Variants in BTBD7 observed in about 807,000 individuals in gnomAD.
The protein encoded by BTBD7 is BTB/POZ domain-containing protein 7.
BTBD7 carries 38 observed loss-of-function variants against 99.9 expected under a neutral mutation model. That is an observed-to-expected ratio of 0.38 (90% CI 0.29 to 0.50). The LOEUF (loss-of-function observed/expected upper bound fraction) is 0.50, where lower values mean the gene tolerates loss of function less well. BTBD7 is among the 20% of genes least tolerant of loss of function. The probability of loss-of-function intolerance (pLI) is 0.93; values close to 1 mark genes in which losing one functional copy is unlikely to be tolerated. For missense variants in BTBD7, 1,170 were observed against 1,394.6 expected, an observed-to-expected ratio of 0.84 and a Z score of 2.57; for synonymous variants, 520 against 511.4, an observed-to-expected ratio of 1.02 and a Z score of -0.23.
intron 1 of BTBD7, among the ~76,000 whole-genome samples, chr14:93,317,403 C>T (rs552220308): frequency 3.3e-5 from 5 of 151,672 alleles, no homozygotes; most frequent in Admixed American, 3.3e-4. Flanking sequence ...TGGTATGTCG[C>T]CCAGGCTGGA....
chr14:93,294,789 A>G lies in BTBD7; in HGVS notation c.231T>C (p.Asn77=), dbSNP rs1290558283. 1.2e-6 allele frequency: 2 copies of G among 1,613,966 alleles called. No individual in the cohort carries two copies. Among genetic ancestry groups the G allele is most frequent in the South Asian group, 2.2e-5 (2 of 91,068 alleles). ...KKKFIKRRKS[N]RSADHAKQMR... Reference sequence around the variant, plus strand: ...TCTGCTTGGCATGATCGGCAGACCTATTAGATTTCCGACGCTTAATAAACT... The same window carrying G: ...TCTGCTTGGCATGATCGGCAGACCTGTTAGATTTCCGACGCTTAATAAACT... The change falls in exon 3 of 11, where the codon AAT becomes AAC. Residue 77 remains asparagine, a synonymous_variant. Transcript: ENST00000334746.
At position 93,261,630 on chromosome 14, in the gene BTBD7, A is replaced by T. The variant is rs775816913; in HGVS notation, c.1419T>A (p.His473Gln). The change falls in exon 5 of 11, where the codon CAT (histidine) becomes CAA (glutamine). Residue 473 changes from histidine (H) to glutamine (Q), a missense_variant. By Grantham distance (24) the His-to-Gln change is conservative. Transcript: ENST00000334746. ...TATCTGCTATTCTTTTCATCAACTG[A>T]TGCTCTCCCCATTTAATCAGATATT... is the stretch of plus-strand genomic sequence containing the variant. ...ILKYLIKWGEHQLMKRIADRE... is the reference protein window; with the variant it reads ...ILKYLIKWGEQQLMKRIADRE... 9.3e-6 allele frequency: 15 copies of T among 1,612,272 alleles called. No individual in the cohort carries two copies. The South Asian group carries it at 1.5e-4, about 17-fold the overall frequency.
intron 3 of BTBD7, among the ~76,000 whole-genome samples, chr14:93,279,470 G>C (rs76881568): frequency 2.0e-5 from 3 of 152,020 alleles, no homozygotes; most frequent in Non-Finnish European, 4.4e-5. Context: ...GTCCTCCTAG[G>C]TACTCCCCCA....
chr14:93,244,548 C>A (rs2052279666), intron 10 of BTBD7, among the ~76,000 whole-genome samples: 1 of 152,138 alleles, frequency 6.6e-6, no homozygotes, highest in African/African-American at 2.4e-5. Context: ...ACTCAGGAGG[C>A]TGAGGCAGGA....
intron 3 of BTBD7, among the ~76,000 whole-genome samples, chr14:93,270,634 G>A (rs559720655): frequency 2.3e-4 from 35 of 151,704 alleles, no homozygotes; most frequent in African/African-American, 8.0e-4. Context: ...GGCAGAGGTT[G>A]CAGTGAGCCG....
rs1208589268 is a variant in BTBD7 at position 93,294,907 on chromosome 14, C to T, written c.113G>A (p.Gly38Asp). Residue 38 changes from glycine to aspartate, a missense_variant, in exon 3 of 11, where the codon GGT (glycine) becomes GAT (aspartate). Gly to Asp is a moderately conservative substitution (Grantham distance 94). Around this residue, in one of 4 missense-constraint regions of BTBD7, gnomAD observed 359 missense variants for 497.9 expected, o/e 0.72. Transcript: ENST00000334746. ...AAGGCTATACAACTTTGATTCGCAA[C>T]CATAGCCTTGCTGAGAATAGGATGA... ...GTSSYSQQGY[G>D]CESKLYSLDH... The T allele has an allele frequency of 6.3e-7, 1 of 1,598,270 alleles. No homozygotes were observed. The highest frequency in any genetic ancestry group is 8.5e-7 in the Non-Finnish European group (1 of 1,175,962).
intron 3 of BTBD7, among the ~76,000 whole-genome samples, chr14:93,274,231 A>G (rs1258235205): frequency 6.6e-6 from 1 of 152,240 alleles, no homozygotes; most frequent in African/African-American, 2.4e-5. Flanking sequence ...ATGATGGAGC[A>G]CACAAACTGA....
chr14:93,322,452 T>C (rs532127806), intron 1 of BTBD7, among the ~76,000 whole-genome samples: 10 of 152,296 alleles, frequency 6.6e-5, no homozygotes, highest in African/African-American at 2.4e-4. Context: ...CACTATATGC[T>C]TAAACATATA....
chr14:93,328,855 T>C (rs55702647), intron 1 of BTBD7, among the ~76,000 whole-genome samples: 20,944 of 152,062 alleles, frequency 0.14, 2,032 homozygotes, highest in African/African-American at 0.28. Context: ...AGTTCAAGGC[T>C]ACTGTGAGCC....
chr14:93,273,342 C>T (rs1239881459), intron 3 of BTBD7, among the ~76,000 whole-genome samples: 1 of 152,230 alleles, frequency 6.6e-6, no homozygotes, highest in East Asian at 1.9e-4. Flanking sequence ...ATGACAGGCT[C>T]AGGTTAGCCA....
rs986558545 is a variant in BTBD7, at chr14:93,242,232, G to A, written c.*41C>T. 1.9e-6 allele frequency: 3 copies of A among 1,561,124 alleles called. No homozygotes were observed. In the African/African-American group the frequency reaches 4.1e-5, roughly 21 times the overall value. On this transcript the variant is annotated 3_prime_UTR_variant, in exon 11 of 11. Coordinates refer to ENST00000334746, the MANE Select transcript of BTBD7 (RefSeq NM_001002860.4). ...GTTGTTGGGTTACATCATAAAATGGGATGTTTCACATCTCAGGCACAGACG... is the reference window on the plus strand; with the variant it reads ...GTTGTTGGGTTACATCATAAAATGGAATGTTTCACATCTCAGGCACAGACG...
chr14:93,249,055 C>A (rs954272724), intron 8 of BTBD7, among the ~76,000 whole-genome samples: 1 of 152,022 alleles, frequency 6.6e-6, no homozygotes, highest in Admixed American at 6.5e-5. Context: ...GAATGAAACA[C>A]GATTCCTCTT....
intron 3 of BTBD7, chr14:93,288,444 A>G (rs1461126417): frequency 1.5e-6 from 1 of 685,076 alleles, no homozygotes; most frequent in East Asian, 2.7e-5. Flanking sequence ...TTTTACTTTA[A>G]TAGCATCCTG....
chr14:93,323,522 T>TA (rs1799963938), intron 1 of BTBD7, among the ~76,000 whole-genome samples: 1 of 152,200 alleles, frequency 6.6e-6, no homozygotes, highest in African/African-American at 2.4e-5. Context: ...TGTCTGGTCT[T>TA]AAGCAAGCAA....
At chr14:93,251,891 T>C (rs936249952) in intron 7 of BTBD7, among the ~76,000 whole-genome samples, 5 of 152,186 alleles carry the variant, frequency 3.3e-5, no homozygotes, top group African/African-American at 1.2e-4. Context: ...TTAGAAGTAT[T>C]TGAAATGTGA....
chr14:93,271,101 T>C lies in BTBD7; in HGVS notation c.1163-7108A>G, dbSNP rs187369089. On this transcript the variant is annotated intron_variant, in intron 3 of 10. Coordinates refer to ENST00000334746, the MANE Select transcript of BTBD7 (RefSeq NM_001002860.4). The stretch of plus-strand genomic sequence containing the variant: ...TAACACAAATGACTGTATTGCTGCA[T>C]GTTAAATAGGATCACTTTCTGTTTT... 2.0e-5 allele frequency among the ~76,000 whole-genome samples: 3 copies of C among 152,350 alleles called. No homozygotes were observed. The East Asian group carries it at 5.8e-4, about 29-fold the overall frequency.
intron 6 of BTBD7, 151 bp downstream of exon 6, chr14:93,257,044 C>T (rs950494489): frequency 1.2e-5 from 9 of 743,088 alleles, no homozygotes; most frequent in Non-Finnish European, 1.9e-5. Flanking sequence ...ACAGGAGATA[C>T]AACATCGTAC....
At chr14:93,282,342 T>TTC (rs1420757894) in intron 3 of BTBD7, among the ~76,000 whole-genome samples, 8 of 151,756 alleles carry the variant, frequency 5.3e-5, no homozygotes, top group Non-Finnish European at 7.4e-5. Flanking sequence ...TTTCTTTTTT[T>TTC]TTTTTTTTGA....
intron 7 of BTBD7, among the ~76,000 whole-genome samples, chr14:93,253,260 G>A (rs1362404784): frequency 6.6e-6 from 1 of 152,110 alleles, no homozygotes; most frequent in Non-Finnish European, 1.5e-5. Context: ...ACAAGAGGTC[G>A]TGGCATTCCT....
Sources: allele counts gnomAD v4.1 joint callset (sites outside exome capture counted in the v4.1 genomes callset), GRCh38; gene constraint gnomAD v4.1.1; regional missense constraint gnomAD v4.1.1; transcripts MANE v1.5; gene names NCBI Gene and HGNC (gene_info 2026-07-23, HGNC 2026-07-21).